The following CNTNAP2 variants were observed in gnomAD, a reference collection of about 807,000 sequenced individuals.
The protein encoded by CNTNAP2 is contactin associated protein 2.
In CNTNAP2, 98 loss-of-function variants were observed where a neutral mutation model predicts 155.2. The observed-to-expected ratio is 0.63, with a 90% CI of 0.54 to 0.75. CNTNAP2 has a LOEUF of 0.75. Ranked by LOEUF, CNTNAP2 falls within the 30% of genes least tolerant of loss-of-function variation. The pLI is 0.00. For synonymous variants in CNTNAP2, 651 were observed against 631.2 expected, an observed-to-expected ratio of 1.03 and a Z score of -0.47; for missense variants, 1,727 against 1,688.1, an observed-to-expected ratio of 1.02 and a Z score of -0.40.
At chr7:148,283,923 A>G (rs1797034450) in intron 21 of CNTNAP2, among the ~76,000 whole-genome samples, 1 of 152,238 alleles carries the variant, frequency 6.6e-6, no homozygotes, top group East Asian at 1.9e-4. Context: ...GGTTGATAAA[A>G]TGTTATGACC....
chr7:147,662,082 CT>C (rs1369381958), intron 13 of CNTNAP2, among the ~76,000 whole-genome samples: 1 of 152,176 alleles, frequency 6.6e-6, no homozygotes, highest in Admixed American at 6.5e-5. Context: ...TCACTCCTTT[CT>C]TAGAACATTT....
intron 8 of CNTNAP2, among the ~76,000 whole-genome samples, chr7:147,215,188 C>T (rs759591182): frequency 6.6e-6 from 1 of 152,098 alleles, no homozygotes; most frequent in Non-Finnish European, 1.5e-5. Context: ...ATTGATGAGC[C>T]TATACTGAAA....
intron 18 of CNTNAP2, among the ~76,000 whole-genome samples, chr7:148,182,230 T>A (rs923181691): frequency 6.6e-6 from 1 of 152,238 alleles, no homozygotes; most frequent in Admixed American, 6.5e-5. Flanking sequence ...TTTTCCCACA[T>A]ATTAGCTCCA....
At chr7:146,127,569 C>T (rs1797654650) in intron 1 of CNTNAP2, among the ~76,000 whole-genome samples, 1 of 152,202 alleles carries the variant, frequency 6.6e-6, no homozygotes, top group South Asian at 2.1e-4. Context: ...AAGCTTACAA[C>T]TTCTGCAACC....
At chr7:147,348,093 T>A (rs1795907956) in intron 9 of CNTNAP2, among the ~76,000 whole-genome samples, 2 of 151,990 alleles carry the variant, frequency 1.3e-5, no homozygotes, top group Non-Finnish European at 2.9e-5. Context: ...ATAGCGGAAA[T>A]GCTTCAGGAT....
At chr7:147,047,534 T>C (rs1799389562) in intron 4 of CNTNAP2, among the ~76,000 whole-genome samples, 1 of 152,198 alleles carries the variant, frequency 6.6e-6, no homozygotes, top group Admixed American at 6.5e-5. Context: ...TTGTTTTAAG[T>C]AGTTTTTGCA....
intron 1 of CNTNAP2, among the ~76,000 whole-genome samples, chr7:146,563,534 T>C (rs536089421): frequency 6.6e-6 from 1 of 152,274 alleles, no homozygotes; most frequent in Admixed American, 6.5e-5. Context: ...CTAGTCAATA[T>C]TTATTTACTA....
At chr7:148,351,761 T>C (rs370470759) in intron 21 of CNTNAP2, among the ~76,000 whole-genome samples, 2 of 71,110 alleles carry the variant, frequency 2.8e-5, no homozygotes, top group African/African-American at 5.0e-5. Context: ...AAAAAAAAAA[T>C]AGAAACCGAG....
intron 8 of CNTNAP2, among the ~76,000 whole-genome samples, chr7:147,171,088 A>G (rs138376359): frequency 1.3e-5 from 2 of 152,250 alleles, no homozygotes; most frequent in Non-Finnish European, 2.9e-5. Flanking sequence ...CTGCCAGCTC[A>G]AACATCCATT....
chr7:146,815,658 T>G (rs1803152119), intron 2 of CNTNAP2, among the ~76,000 whole-genome samples: 1 of 152,170 alleles, frequency 6.6e-6, no homozygotes, highest in Non-Finnish European at 1.5e-5. Flanking sequence ...TAGTAAATAT[T>G]TCATAGATTT....
At chr7:146,189,196 T>G (rs1016631976) in intron 1 of CNTNAP2, among the ~76,000 whole-genome samples, 6 of 152,174 alleles carry the variant, frequency 3.9e-5, no homozygotes, top group African/African-American at 1.2e-4. Flanking sequence ...TGATCCATAC[T>G]CTCTCAATCT....
intron 11 of CNTNAP2, among the ~76,000 whole-genome samples, chr7:147,531,693 A>G (rs1298042321): frequency 2.6e-5 from 4 of 151,686 alleles, no homozygotes; most frequent in Non-Finnish European, 5.9e-5. Flanking sequence ...GGTCTTTGAC[A>G]TGACCTGGAG....
At chr7:148,300,366 A>G (rs1219617700) in intron 21 of CNTNAP2, among the ~76,000 whole-genome samples, 1 of 152,184 alleles carries the variant, frequency 6.6e-6, no homozygotes, top group African/African-American at 2.4e-5. Context: ...GAAAATTCAT[A>G]CTTTCATACT....
At chr7:146,634,501 C>A (rs1224521894) in intron 1 of CNTNAP2, among the ~76,000 whole-genome samples, 1 of 152,096 alleles carries the variant, frequency 6.6e-6, no homozygotes, top group African/African-American at 2.4e-5. Context: ...TGATTGCTCC[C>A]ACTTTAGTAG....
chr7:147,013,720 A>T (rs1798667851), intron 3 of CNTNAP2, among the ~76,000 whole-genome samples: 1 of 152,152 alleles, frequency 6.6e-6, no homozygotes. Flanking sequence ...GTCTTGTGAC[A>T]TATAAGGAAG....
chr7:147,968,521 C>T (rs1173500908), intron 14 of CNTNAP2, among the ~76,000 whole-genome samples: 2 of 152,126 alleles, frequency 1.3e-5, no homozygotes, highest in Non-Finnish European at 2.9e-5. Flanking sequence ...CACCCAAGGC[C>T]CATCAAGGCA....
intron 4 of CNTNAP2, among the ~76,000 whole-genome samples, chr7:147,044,375 C>T (rs533297245): frequency 7.9e-5 from 12 of 152,070 alleles, no homozygotes; most frequent in African/African-American, 2.9e-4. Context: ...ATTGCCTTGC[C>T]TTATGAAATA....
intron 2 of CNTNAP2, among the ~76,000 whole-genome samples, chr7:146,816,375 GA>G (rs1803169913): frequency 6.6e-6 from 1 of 152,122 alleles, no homozygotes; most frequent in South Asian, 2.1e-4. Flanking sequence ...ATTCGGTGGA[GA>G]GAACTTTTCA....
At chr7:147,550,963 A>T (rs907556027) in intron 11 of CNTNAP2, among the ~76,000 whole-genome samples, 5 of 152,204 alleles carry the variant, frequency 3.3e-5, no homozygotes, top group African/African-American at 1.2e-4. Flanking sequence ...TCCATAAAAA[A>T]TACTATTCCC....
Sources: gnomAD v4.1 joint callset for allele counts (sites outside exome capture counted in the v4.1 genomes callset) on GRCh38, gnomAD v4.1.1 for gene constraint, MANE v1.5 for transcripts, NCBI Gene and HGNC (gene_info 2026-07-23, HGNC 2026-07-21) for gene names.